The following GPR107 variants were observed in gnomAD, a reference collection of about 807,000 sequenced individuals.
GPR107 encodes the protein G protein-coupled receptor 107.
GPR107 carries 31 observed loss-of-function variants against 75.5 expected under a neutral mutation model. The observed-to-expected ratio is 0.41, with a 90% CI of 0.31 to 0.55. The LOEUF is 0.55. Among genes scored for constraint, GPR107 ranks in the 20% least tolerant of loss-of-function variants. The pLI is 0.26. For missense variants in GPR107, 572 were observed against 665.7 expected (o/e 0.86, Z 1.55); for synonymous variants, 267 against 251.3 (o/e 1.06, Z -0.59).
chr9:130,135,087 T>C lies in GPR107; in HGVS notation c.1625T>C (p.Val542Ala). 7.5e-6 allele frequency: 12 copies of C among 1,609,964 alleles called. No homozygotes were observed. The highest frequency in any genetic ancestry group is 9.3e-6 in the Non-Finnish European group (11 of 1,176,982). ...GTCAAGAAGGTGACCAACGGCTCCG[T>C]GGAGCCCCAGGGCGAGTGGGAAGGC... ...KKVKKVTNGS[V>A]EPQGEWEGAV Residue 542 changes from valine (V) to alanine (A), a missense_variant, in exon 18 of 18, where the codon GTG (valine) becomes GCG (alanine). Val to Ala is a moderately conservative substitution (Grantham distance 64). Transcript: ENST00000347136.
intron 6 of GPR107, among the ~76,000 whole-genome samples, chr9:130,085,753 G>GTTTTTTTTTTTTTTTTTTTTT (rs1189602398): frequency 6.2e-5 from 2 of 32,258 alleles, no homozygotes; most frequent in Admixed American, 4.5e-4. Flanking sequence ...GCAATATTTT[G>GTTTTTTTTTTTTTTTTTTTTT]ATTTTTTTTT....
At chr9:130,066,197 G>A (rs1220215468) in intron 1 of GPR107, among the ~76,000 whole-genome samples, 1 of 152,094 alleles carries the variant, frequency 6.6e-6, no homozygotes, top group East Asian at 1.9e-4. Flanking sequence ...TACTTGGGAG[G>A]ATGAGGCAGG....
intron 5 of GPR107, among the ~76,000 whole-genome samples, chr9:130,081,981 C>A (rs183312061): frequency 1.6e-3 from 242 of 152,234 alleles, no homozygotes; most frequent in Admixed American, 5.4e-3. Context: ...CTGGTGAGGG[C>A]CTCAGGAAGC....
chr9:130,128,810 C>T (rs111874854), intron 17 of GPR107, 49 bp downstream of exon 17: 5 of 1,570,800 alleles, frequency 3.2e-6, no homozygotes, highest in African/African-American at 2.7e-5. Flanking sequence ...CTTTGCCTAA[C>T]ACAAAGCAGC....
chr9:130,085,322 A>G (rs1200832226), intron 6 of GPR107, among the ~76,000 whole-genome samples: 3 of 152,140 alleles, frequency 2.0e-5, no homozygotes, highest in Non-Finnish European at 4.4e-5. Flanking sequence ...AGAGAGGAGC[A>G]GAGGAGTGGG....
chr9:130,122,317 A>C (rs566581943), intron 14 of GPR107, among the ~76,000 whole-genome samples: 1 of 152,264 alleles, frequency 6.6e-6, no homozygotes, highest in South Asian at 2.1e-4. Flanking sequence ...CGGTCATGTC[A>C]CTGGTTCTGT....
intron 6 of GPR107, among the ~76,000 whole-genome samples, chr9:130,085,235 G>A (rs776757281): frequency 3.9e-5 from 6 of 152,122 alleles, no homozygotes; most frequent in South Asian, 2.1e-4. Flanking sequence ...TACAGGTTTC[G>A]GGTGATGAGG....
In GPR107 at chr9:130,100,103, G is replaced by A. The variant is rs377389673; in HGVS notation, c.940-526G>A. Among the ~76,000 whole-genome samples, 5 of 151,768 alleles carry A rather than the reference G, an allele frequency of 3.3e-5. No homozygotes were observed. In the East Asian group the frequency reaches 5.8e-4, roughly 18 times the overall value. ...GTAGAGACGGGGTTTCACCGTGTTA[G>A]CCAGGATGGTCTCGATCTCCTGACC... On this transcript the variant is annotated intron_variant, in intron 10 of 17. Coordinates refer to ENST00000347136, the MANE Select transcript of GPR107 (RefSeq NM_020960.5).
chr9:130,055,093 A>G (rs1018521378), intron 1 of GPR107, among the ~76,000 whole-genome samples: 2 of 152,120 alleles, frequency 1.3e-5, no homozygotes, highest in African/African-American at 4.8e-5. Flanking sequence ...AAACATATAA[A>G]CAAAATTAGA....
intron 17 of GPR107, chr9:130,130,121 G>T (rs979681466): frequency 7.2e-5 from 11 of 152,220 alleles, no homozygotes; most frequent in Non-Finnish European, 1.5e-4. Flanking sequence ...CTGGGCCTGG[G>T]TATGAGGGCA....
In GPR107 at chr9:130,087,940, C is replaced by T. The variant is rs76166840; in HGVS notation, c.621+1464C>T. Among the ~76,000 whole-genome samples the T allele has an allele frequency of 5.8e-3, 878 of 152,154 alleles. 10 individuals carry two copies. Among genetic ancestry groups the T allele is most frequent in the Middle Eastern group, 0.017 (5 of 292 alleles). On this transcript the variant is annotated intron_variant, in intron 7 of 17. Transcript: ENST00000347136. ...AATATTTCTGTGTTTCCATCTTCTG[C>T]GAAAGCCCCTCTATCCCCATAAGCA...
At chr9:130,099,646 A>G (rs1030293677) in intron 10 of GPR107, 114 bp downstream of exon 10, 10 of 657,534 alleles carry the variant, frequency 1.5e-5, no homozygotes, top group Non-Finnish European at 2.7e-5. Flanking sequence ...GACAAAGAAT[A>G]CATTTCTCAT....
At chr9:130,099,050 G>T (rs1830948155) in intron 9 of GPR107, among the ~76,000 whole-genome samples, 1 of 151,972 alleles carries the variant, frequency 6.6e-6, no homozygotes, top group African/African-American at 2.4e-5. Context: ...AGTGGCTCAT[G>T]CCTGTAATAT....
intron 1 of GPR107, among the ~76,000 whole-genome samples, chr9:130,063,935 G>T (rs1248870841): frequency 6.6e-6 from 1 of 151,250 alleles, no homozygotes; most frequent in Non-Finnish European, 1.5e-5. Context: ...CTCCCAAGTA[G>T]CTGGGACTAC....
intron 16 of GPR107, 97 bp downstream of exon 16, chr9:130,127,663 AC>A: frequency 2.9e-6 from 2 of 686,850 alleles, no homozygotes; most frequent in Non-Finnish European, 5.1e-6. Flanking sequence ...TCTGGGAATG[AC>A]CACTAAGACC....
In GPR107 at chr9:130,135,457, A is replaced by G. The variant is rs2240912; in HGVS notation, c.*336A>G. 23,028 of 206,256 alleles carry G rather than the reference A, an allele frequency of 0.11. 1,601 individuals are homozygous for G. Among genetic ancestry groups the G allele is most frequent in the East Asian group, 0.34 (2,618 of 7,672 alleles). The allele number at this position is 206,256 out of a possible 1,614,324, so 12.8% of individuals were successfully genotyped here. A position where few individuals can be genotyped will look rare whatever the true frequency, so the allele number is the denominator to read the frequency against. On this transcript the variant is annotated 3_prime_UTR_variant, in exon 18 of 18. Transcript: ENST00000347136. Reference sequence around the variant, plus strand: ...GAGCTCTAAGGTGTATGCAGTTGTGACCCCATGTGTGGGGAAGTGTAGCAA... The same window carrying G: ...GAGCTCTAAGGTGTATGCAGTTGTGGCCCCATGTGTGGGGAAGTGTAGCAA...
At chr9:130,099,835 A>C (rs1284685210) in intron 10 of GPR107, among the ~76,000 whole-genome samples, 2 of 123,234 alleles carry the variant, frequency 1.6e-5, no homozygotes, top group African/African-American at 6.1e-5. Context: ...ATTTCTAGAG[A>C]TGAGAGTGCC....
chr9:130,102,064 A>C (rs1175970220), intron 12 of GPR107, among the ~76,000 whole-genome samples: 1 of 152,196 alleles, frequency 6.6e-6, no homozygotes, highest in Non-Finnish European at 1.5e-5. Context: ...GGGACAGGCC[A>C]GTTGCTCTGT....
intron 10 of GPR107, 81 bp from the exon 11 acceptor site, chr9:130,100,548 C>A: frequency 2.0e-6 from 2 of 979,804 alleles, no homozygotes; most frequent in Non-Finnish European, 3.3e-6. Context: ...GGATAATTTC[C>A]CAAATGGGTC....
Sources: gnomAD v4.1 joint callset for allele counts (sites outside exome capture counted in the v4.1 genomes callset) on GRCh38, gnomAD v4.1.1 for gene constraint, MANE v1.5 for transcripts, NCBI Gene and HGNC (gene_info 2026-07-23, HGNC 2026-07-21) for gene names.